BTRC: variants seen among roughly 807,000 people sequenced by gnomAD.
BTRC encodes the protein beta-transducin repeat containing E3 ubiquitin protein ligase.
BTRC carries 42 observed loss-of-function variants against 85.5 expected under a neutral mutation model. That is an observed-to-expected ratio of 0.49 (90% confidence interval 0.38 to 0.64). BTRC has a LOEUF of 0.64. BTRC is among the 30% of genes least tolerant of loss of function. The pLI is 0.00. For missense variants in BTRC, 594 were observed against 743.5 expected (o/e 0.80, Z 2.34); for synonymous variants, 255 against 263.3 (o/e 0.97, Z 0.30).
intron 14 of BTRC, among the ~76,000 whole-genome samples, chr10:101,551,644 G>T (rs951593715): frequency 1.3e-5 from 2 of 152,224 alleles, no homozygotes; most frequent in Non-Finnish European, 2.9e-5. Flanking sequence ...GATTTGCCAC[G>T]TGTGCCTCAG....
At chr10:101,482,016 A>T (rs1945847002) in intron 4 of BTRC, among the ~76,000 whole-genome samples, 2 of 152,086 alleles carry the variant, frequency 1.3e-5, no homozygotes, top group South Asian at 4.2e-4. Flanking sequence ...AGAATACTGA[A>T]AAAGGTTTTC....
chr10:101,390,353 T>TC (rs35784293), intron 1 of BTRC, among the ~76,000 whole-genome samples: 1 of 142,672 alleles, frequency 7.0e-6, no homozygotes, highest in African/African-American at 2.5e-5. Flanking sequence ...TTTTTTTTTT[T>TC]CCGAGACGGA....
rs1279944364 is a variant in BTRC, at chr10:101,554,917, A to T, written c.*1794A>T. The stretch of plus-strand genomic sequence containing the variant: ...GTTACTACATATTGAGAGTCATTTT[A>T]TGCATATGCATTCTACCTTTCCTGC... On this transcript the variant is annotated 3_prime_UTR_variant, in exon 15 of 15. Coordinates refer to ENST00000370187, the MANE Select transcript of BTRC (RefSeq NM_033637.4). The T allele has an allele frequency of 2.0e-5, 3 of 152,236 alleles. No homozygotes were observed. The highest frequency in any genetic ancestry group is 2.0e-4 in the Admixed American group (3 of 15,288). The allele number at this position is 152,236 out of a possible 1,614,324, so 9.4% of individuals were successfully genotyped here.
rs1194631136 is a variant in BTRC, at chr10:101,354,255, C to A, written c.48+27C>A. 4 of 1,547,754 alleles carry A rather than the reference C, an allele frequency of 2.6e-6. No homozygotes were observed. In the African/African-American group the frequency reaches 5.5e-5, roughly 21 times the overall value. On this transcript the variant is annotated intron_variant, in intron 1 of 14. Transcript: ENST00000370187. ...TGAGGAGACGGTGGAGGCCGGGGAA[C>A]GGTGGAGGCGCTGGCGTTGGCGGCG...
At chr10:101,527,761 GTCTCTCTCTCTCTC>G (rs5787436) in intron 6 of BTRC, among the ~76,000 whole-genome samples, 22 of 142,504 alleles carry the variant, frequency 1.5e-4, no homozygotes, top group African/African-American at 5.4e-4. Context: ...CTCTTTCTCT[GTCTCTCTCTCTCTC>G]TCTCTCTCTC....
At chr10:101,404,030 A>ATATATATAT (rs1232082481) in intron 1 of BTRC, among the ~76,000 whole-genome samples, 2 of 25,434 alleles carry the variant, frequency 7.9e-5, no homozygotes, top group African/African-American at 3.8e-4. Context: ...ATATATATAT[A>ATATATATAT]TTTTTTTTTT....
intron 1 of BTRC, among the ~76,000 whole-genome samples, chr10:101,401,791 T>C (rs1943497343): frequency 6.7e-6 from 1 of 149,986 alleles, no homozygotes; most frequent in Non-Finnish European, 1.5e-5. Flanking sequence ...TGAGCTATGA[T>C]TATGCCACTG....
At chr10:101,531,198 TG>T in intron 6 of BTRC, 38 bp from the exon 7 acceptor site, 1 of 1,432,368 alleles carries the variant, frequency 7.0e-7, no homozygotes, top group South Asian at 1.2e-5. Context: ...AAATATATAA[TG>T]TCATGATTTT....
chr10:101,384,563 C>A (rs1347755036), intron 1 of BTRC, among the ~76,000 whole-genome samples: 1 of 151,934 alleles, frequency 6.6e-6, no homozygotes, highest in Non-Finnish European at 1.5e-5. Flanking sequence ...TTATTAGATA[C>A]GAGTAGGAAT....
At chr10:101,469,398 C>T (rs965304501) in intron 3 of BTRC, among the ~76,000 whole-genome samples, 1 of 152,176 alleles carries the variant, frequency 6.6e-6, no homozygotes, top group African/African-American at 2.4e-5. Flanking sequence ...TATAGCCCTA[C>T]TCTGGAAACT....
intron 4 of BTRC, among the ~76,000 whole-genome samples, chr10:101,494,201 C>T (rs111369711): frequency 1.7e-4 from 26 of 152,306 alleles, no homozygotes; most frequent in African/African-American, 6.0e-4. Context: ...AATGCAAAAC[C>T]AAACTAAGGT....
At chr10:101,358,545 G>T (rs895808350) in intron 1 of BTRC, among the ~76,000 whole-genome samples, 1 of 152,078 alleles carries the variant, frequency 6.6e-6, no homozygotes, top group African/African-American at 2.4e-5. Flanking sequence ...AGTATAAAGG[G>T]TAAATATTTG....
intron 3 of BTRC, among the ~76,000 whole-genome samples, chr10:101,463,955 AAAAAC>A (rs1480240167): frequency 1.3e-5 from 2 of 152,072 alleles, no homozygotes; most frequent in Admixed American, 6.6e-5. Flanking sequence ...CTTTAAAAAA[AAAAAC>A]AAACAAAAAT....
chr10:101,371,716 A>G (rs956290653), intron 1 of BTRC, among the ~76,000 whole-genome samples: 3 of 152,104 alleles, frequency 2.0e-5, no homozygotes, highest in Non-Finnish European at 4.4e-5. Flanking sequence ...TGCTATTTGT[A>G]TATGTTACAA....
At chr10:101,426,517 T>C (rs2134068406) in intron 1 of BTRC, among the ~76,000 whole-genome samples, 1 of 152,296 alleles carries the variant, frequency 6.6e-6, no homozygotes, top group South Asian at 2.1e-4. Context: ...AATTTTAGTT[T>C]AAGGGGATGG....
chr10:101,515,635 C>T (rs1020931902), intron 4 of BTRC, among the ~76,000 whole-genome samples: 3 of 152,022 alleles, frequency 2.0e-5, no homozygotes, highest in African/African-American at 7.2e-5. Flanking sequence ...CCTCAGCCTC[C>T]AGAGTAGCTA....
intron 4 of BTRC, among the ~76,000 whole-genome samples, chr10:101,500,343 T>C (rs542596297): frequency 6.6e-6 from 1 of 152,270 alleles, no homozygotes; most frequent in South Asian, 2.1e-4. Flanking sequence ...AGAAAAGGTA[T>C]AGTAAGAATA....
At chr10:101,483,076 T>G (rs185529170) in intron 4 of BTRC, among the ~76,000 whole-genome samples, 1 of 152,360 alleles carries the variant, frequency 6.6e-6, no homozygotes, top group East Asian at 1.9e-4. Context: ...TAATACTATT[T>G]ATTTCCCTAA....
At chr10:101,550,996 C>A in intron 14 of BTRC, 105 bp downstream of exon 14, 1 of 1,067,326 alleles carries the variant, frequency 9.4e-7, no homozygotes, top group Admixed American at 2.5e-5. Context: ...GGGTCACCAA[C>A]TCCTGTAAAG....
Sources: allele counts gnomAD v4.1 joint callset (sites outside exome capture counted in the v4.1 genomes callset), GRCh38; gene constraint gnomAD v4.1.1; transcripts MANE v1.5; gene names NCBI Gene and HGNC (gene_info 2026-07-23, HGNC 2026-07-21).